The following NTNG1 variants were observed in gnomAD, a reference collection of about 807,000 sequenced individuals.
The protein encoded by NTNG1 is netrin-G1.
In NTNG1, 16 loss-of-function variants were observed where a neutral mutation model predicts 54.0. That is an observed-to-expected ratio of 0.30 (90% CI 0.20 to 0.45). NTNG1 has a LOEUF of 0.45. Ranked by LOEUF, NTNG1 falls within the 20% of genes least tolerant of loss-of-function variation. The pLI, the probability that NTNG1 is intolerant of heterozygous loss-of-function variation, is 1.00. For missense variants in NTNG1, 530 were observed against 678.7 expected, an observed-to-expected ratio of 0.78 and a Z score of 2.43; for synonymous variants, 255 against 263.1, an observed-to-expected ratio of 0.97 and a Z score of 0.30.
intron 2 of NTNG1, among the ~76,000 whole-genome samples, chr1:107,196,452 T>C (rs1658337738): frequency 6.6e-6 from 1 of 152,082 alleles, no homozygotes; most frequent in South Asian, 2.1e-4. Context: ...ACTGTTAATA[T>C]GCTGATTTTT....
chr1:107,159,194 G>C (rs1655223372), intron 2 of NTNG1, among the ~76,000 whole-genome samples: 1 of 152,100 alleles, frequency 6.6e-6, no homozygotes, highest in Admixed American at 6.6e-5. Flanking sequence ...GTTGGTTGTT[G>C]ATGCCTGGGC....
rs1208714031 is a variant in NTNG1, at chr1:107,483,190, G to C, written c.*2350G>C. On this transcript the variant is annotated 3_prime_UTR_variant, in exon 8 of 8. Transcript: ENST00000370068. ...ACCAAAGGCAGCCCATGTTATTTCTGGCAAAGATGCACTTTATCGTTATCT... is the reference window on the plus strand; with the variant it reads ...ACCAAAGGCAGCCCATGTTATTTCTCGCAAAGATGCACTTTATCGTTATCT... 6.6e-6 allele frequency: 1 copy of C among 152,168 alleles called. No homozygotes were observed. Among genetic ancestry groups the C allele is most frequent in the Non-Finnish European group, 1.5e-5 (1 of 68,030 alleles). The allele number at this position is 152,168 out of a possible 1,614,324, so 9.4% of individuals were successfully genotyped here.
chr1:107,156,311 TC>T (rs1654993661), intron 2 of NTNG1, among the ~76,000 whole-genome samples: 1 of 152,200 alleles, frequency 6.6e-6, no homozygotes, highest in Non-Finnish European at 1.5e-5. Context: ...CTGAAATCTC[TC>T]TCTTTTTCTG....
chr1:107,420,622 A>G (rs1028699734), intron 5 of NTNG1, among the ~76,000 whole-genome samples: 1 of 151,992 alleles, frequency 6.6e-6, no homozygotes. Context: ...ATGGCTGACT[A>G]TTGGGACTGA....
chr1:107,304,690 T>C (rs1666559357), intron 2 of NTNG1, among the ~76,000 whole-genome samples: 2 of 152,160 alleles, frequency 1.3e-5, no homozygotes, highest in Admixed American at 1.3e-4. Flanking sequence ...TCTCTCTCTG[T>C]CCTTCCCAAC....
At chr1:107,287,018 G>A (rs939455751) in intron 2 of NTNG1, among the ~76,000 whole-genome samples, 2 of 152,072 alleles carry the variant, frequency 1.3e-5, no homozygotes, top group Non-Finnish European at 2.9e-5. Context: ...GTGCAAAATT[G>A]TATAGCCATT....
chr1:107,312,276 A>G (rs185623784), intron 2 of NTNG1, among the ~76,000 whole-genome samples: 10 of 152,124 alleles, frequency 6.6e-5, no homozygotes, highest in Admixed American at 5.2e-4. Context: ...ATATAAGATG[A>G]CTCCAACCTT....
At chr1:107,358,645 T>C (rs1210228323) in intron 3 of NTNG1, among the ~76,000 whole-genome samples, 1 of 151,046 alleles carries the variant, frequency 6.6e-6, no homozygotes. Context: ...GACCTTACGA[T>C]GATAATCAAA....
At chr1:107,391,403 A>G (rs771733919) in intron 3 of NTNG1, among the ~76,000 whole-genome samples, 47 of 152,316 alleles carry the variant, frequency 3.1e-4, no homozygotes, top group Non-Finnish European at 5.6e-4. Flanking sequence ...AGTTCTTGTA[A>G]TAAACCAGAT....
At chr1:107,452,432 G>T (rs1030856278) in intron 7 of NTNG1, among the ~76,000 whole-genome samples, 2 of 152,118 alleles carry the variant, frequency 1.3e-5, no homozygotes, top group South Asian at 4.1e-4. Context: ...GTGGCACTAT[G>T]GTATAAATAG....
In NTNG1 at chr1:107,483,274, T is replaced by A. The variant is rs1425699777; in HGVS notation, c.*2434T>A. ...ACACTGCACACTTCAATAGTTGGGA[T>A]TCCAAAAGCTAATTCTAAAATTTAA... On this transcript the variant is annotated 3_prime_UTR_variant, in exon 8 of 8. Coordinates refer to ENST00000370068, the MANE Select transcript of NTNG1 (RefSeq NM_001113226.3). 2 of 152,216 alleles carry A rather than the reference T, an allele frequency of 1.3e-5. No individual in the cohort carries two copies. The highest frequency in any genetic ancestry group is 4.8e-5 in the African/African-American group (2 of 41,460). The allele number at this position is 152,216 out of a possible 1,614,324, so 9.4% of individuals were successfully genotyped here.
In NTNG1 at chr1:107,222,799, CTTTTTTTTTTTTT is replaced by C. The variant is rs113401472; in HGVS notation, c.246+73970_246+73982del. Among the ~76,000 whole-genome samples, 7 of 109,054 alleles carry C rather than the reference CTTTTTTTTTTTTT, an allele frequency of 6.4e-5. No individual in the cohort carries two copies. In the East Asian group the frequency reaches 1.6e-3, roughly 26 times the overall value. The allele number at this position is 109,054 out of a possible 152,430, so 71.5% of individuals were successfully genotyped here. A position where few individuals can be genotyped will look rare whatever the true frequency, so the allele number is the denominator to read the frequency against. On this transcript the variant is annotated intron_variant, in intron 2 of 7. Coordinates refer to ENST00000370068, the MANE Select transcript of NTNG1 (RefSeq NM_001113226.3). ...CTAGAGAAAGGGAAGACCAGTGCTGCTTTTTTTTTTTTTTTTTTTTTTGGAGCAGAAGTGGTGG... is the reference window on the plus strand; with the variant it reads ...CTAGAGAAAGGGAAGACCAGTGCTGCTTTTTTTTTGGAGCAGAAGTGGTGG...
At chr1:107,478,998 T>A (rs554191844) in intron 7 of NTNG1, among the ~76,000 whole-genome samples, 1 of 152,234 alleles carries the variant, frequency 6.6e-6, no homozygotes, top group Admixed American at 6.5e-5. Flanking sequence ...AGGTAGCTTA[T>A]ATAATCATTA....
At chr1:107,295,039 A>G (rs752833458) in intron 2 of NTNG1, among the ~76,000 whole-genome samples, 8 of 152,204 alleles carry the variant, frequency 5.3e-5, no homozygotes, top group Non-Finnish European at 1.0e-4. Context: ...GCTTTTGAAA[A>G]TAACTTTCAA....
intron 5 of NTNG1, 71 bp from the exon 6 acceptor site, chr1:107,430,679 C>T (rs1675204301): frequency 1.4e-6 from 2 of 1,479,292 alleles, no homozygotes; most frequent in Non-Finnish European, 1.9e-6. Flanking sequence ...CCTCATTTTA[C>T]CCAAGCATGT....
At chr1:107,307,512 A>G (rs1024929974) in intron 2 of NTNG1, among the ~76,000 whole-genome samples, 8 of 152,350 alleles carry the variant, frequency 5.3e-5, no homozygotes, top group Admixed American at 5.2e-4. Flanking sequence ...AATGTGTAAA[A>G]TTATTATTCA....
chr1:107,317,345 C>CTATGAAACCCT (rs1553224656), intron 2 of NTNG1, among the ~76,000 whole-genome samples: 1 of 152,126 alleles, frequency 6.6e-6, no homozygotes, highest in African/African-American at 2.4e-5. Context: ...GTGAAATACT[C>CTATGAAACCCT]TATGAAACCC....
intron 3 of NTNG1, among the ~76,000 whole-genome samples, chr1:107,370,360 A>G (rs1437885321): frequency 1.3e-5 from 2 of 151,156 alleles, no homozygotes; most frequent in Non-Finnish European, 3.0e-5. Context: ...ATTTTTTTCA[A>G]TTTTTGTCTC....
intron 2 of NTNG1, among the ~76,000 whole-genome samples, chr1:107,313,982 A>C (rs1667179430): frequency 6.6e-6 from 1 of 152,180 alleles, no homozygotes; most frequent in Non-Finnish European, 1.5e-5. Context: ...TATCATAAAT[A>C]AGTGATCTAC....
Sources: allele counts gnomAD v4.1 joint callset (sites outside exome capture counted in the v4.1 genomes callset), GRCh38; gene constraint gnomAD v4.1.1; transcripts MANE v1.5; gene names NCBI Gene and HGNC (gene_info 2026-07-23, HGNC 2026-07-21).